The following ANKS1B variants were observed in gnomAD, a reference collection of about 807,000 sequenced individuals.
ANKS1B encodes ankyrin repeat and sterile alpha motif domain-containing protein 1B.
ANKS1B carries 36 observed loss-of-function variants against 148.3 expected under a neutral mutation model. The ratio of observed to expected loss-of-function variants is 0.24; its 90% CI spans 0.19 to 0.32. The LOEUF is 0.32. Ranked by LOEUF, ANKS1B falls within the 10% of genes least tolerant of loss-of-function variation. The pLI is 1.00. For missense variants in ANKS1B, 1,157 were observed against 1,542.6 expected (o/e 0.75, Z 4.19); for synonymous variants, 542 against 560.8 (o/e 0.97, Z 0.47).
chr12:98,874,481 T>C (rs2099682278), intron 17 of ANKS1B, among the ~76,000 whole-genome samples: 1 of 152,100 alleles, frequency 6.6e-6, no homozygotes, highest in African/African-American at 2.4e-5. Flanking sequence ...ACTGAGGAGA[T>C]AATAAATGAA....
intron 14 of ANKS1B, among the ~76,000 whole-genome samples, chr12:99,224,877 C>A (rs2085658562): frequency 6.6e-6 from 1 of 152,138 alleles, no homozygotes. Flanking sequence ...GTGAGTGGCT[C>A]TCCCAACATT....
intron 15 of ANKS1B, among the ~76,000 whole-genome samples, chr12:99,141,088 A>G (rs2070561147): frequency 6.6e-6 from 1 of 151,846 alleles, no homozygotes; most frequent in African/African-American, 2.4e-5. Context: ...TCTCATCTTT[A>G]TTCTTTCCAT....
intron 15 of ANKS1B, among the ~76,000 whole-genome samples, chr12:99,136,116 T>C (rs1288401274): frequency 1.3e-5 from 2 of 151,980 alleles, no homozygotes; most frequent in Non-Finnish European, 2.9e-5. Context: ...TTAAACAAGA[T>C]TAAAAAAGGT....
At chr12:99,668,028 C>G (rs1193758806) in intron 8 of ANKS1B, among the ~76,000 whole-genome samples, 1 of 152,106 alleles carries the variant, frequency 6.6e-6, no homozygotes, top group Non-Finnish European at 1.5e-5. Flanking sequence ...TTTGTTATCA[C>G]AGTAATGCTG....
intron 1 of ANKS1B, among the ~76,000 whole-genome samples, chr12:99,852,915 G>GGGGGAGCT (rs1011724191): frequency 1.3e-5 from 2 of 152,104 alleles, no homozygotes; most frequent in Non-Finnish European, 2.9e-5. Flanking sequence ...TGTGAGTTGC[G>GGGGGAGCT]GGGGAGCTGG....
At chr12:99,579,068 CA>C (rs1262867697) in intron 9 of ANKS1B, among the ~76,000 whole-genome samples, 1 of 151,908 alleles carries the variant, frequency 6.6e-6, no homozygotes, top group African/African-American at 2.4e-5. Context: ...AACTGATCTT[CA>C]AAAAAGTTGA....
intron 9 of ANKS1B, among the ~76,000 whole-genome samples, chr12:99,616,686 C>A (rs966327789): frequency 6.6e-6 from 1 of 152,102 alleles, no homozygotes; most frequent in Non-Finnish European, 1.5e-5. Context: ...ACCATAAAAA[C>A]CCTAGAAGAA....
intron 9 of ANKS1B, among the ~76,000 whole-genome samples, chr12:98,736,335 T>A (rs939168796): frequency 6.6e-6 from 1 of 152,040 alleles, no homozygotes; most frequent in Non-Finnish European, 1.5e-5. Flanking sequence ...AAGATAAGAG[T>A]TAATAGGATT....
rs945383999 is a variant in ANKS1B at position 99,134,779 on chromosome 12, G to A, written c.2526+19510C>T. On this transcript the variant is annotated intron_variant, in intron 15 of 26. Coordinates refer to ENST00000683438, the MANE Select transcript of ANKS1B (RefSeq NM_001352186.2). ...AAGACATTTTAAAAAGCCTTTCTGG[G>A]GAGAGCTGGAGCAACTAGTACAGTG... 2.6e-5 allele frequency among the ~76,000 whole-genome samples: 4 copies of A among 151,540 alleles called. No individual in the cohort carries two copies. The East Asian group carries it at 5.8e-4, about 22-fold the overall frequency.
chr12:98,986,693 C>T (rs971700039), intron 17 of ANKS1B, among the ~76,000 whole-genome samples: 2 of 152,160 alleles, frequency 1.3e-5, no homozygotes, highest in African/African-American at 4.8e-5. Flanking sequence ...TGGGTCACTG[C>T]AGCCTTGACC....
intron 8 of ANKS1B, among the ~76,000 whole-genome samples, chr12:99,735,807 C>CAAAAAAAAAAAAAAAAAAAAA (rs376398944): frequency 3.7e-5 from 4 of 108,926 alleles, no homozygotes; most frequent in Non-Finnish European, 7.6e-5. Flanking sequence ...GGACATATAC[C>CAAAAAAAAAAAAAAAAAAAAA]AAAAAAAAAA....
intron 14 of ANKS1B, among the ~76,000 whole-genome samples, chr12:99,216,459 T>A (rs2084210128): frequency 6.6e-6 from 1 of 152,250 alleles, no homozygotes; most frequent in East Asian, 1.9e-4. Flanking sequence ...TAGTTTTACT[T>A]TAGTTTTTAC....
chr12:98,951,407 G>T (rs188324765), intron 17 of ANKS1B, among the ~76,000 whole-genome samples: 1 of 152,106 alleles, frequency 6.6e-6, no homozygotes, highest in Non-Finnish European at 1.5e-5. Context: ...ATTCATCCAC[G>T]TCACCAATAT....
intron 6 of ANKS1B, among the ~76,000 whole-genome samples, chr12:99,777,569 TTTTG>T (rs201144451): frequency 0.011 from 1,690 of 152,218 alleles, 32 homozygotes; most frequent in African/African-American, 0.039. Flanking sequence ...AGTTTTGTTT[TTTTG>T]TTTGTTTGTT....
chr12:99,310,366 G>A (rs753692171), intron 12 of ANKS1B, among the ~76,000 whole-genome samples: 11 of 152,160 alleles, frequency 7.2e-5, no homozygotes, highest in Non-Finnish European at 1.6e-4. Context: ...ATGTTTATGT[G>A]AGGGTATTTC....
chr12:99,960,700 C>A (rs761270423), intron 1 of ANKS1B, among the ~76,000 whole-genome samples: 3 of 151,938 alleles, frequency 2.0e-5, no homozygotes, highest in Non-Finnish European at 4.4e-5. Flanking sequence ...TAAGGGTTTG[C>A]GAAAATTTTC....
At chr12:99,458,078 T>A (rs1380214943) in intron 10 of ANKS1B, among the ~76,000 whole-genome samples, 2 of 152,056 alleles carry the variant, frequency 1.3e-5, no homozygotes, top group African/African-American at 4.8e-5. Context: ...GCAAGTACTC[T>A]CTCAGAGCAC....
intron 4 of ANKS1B, among the ~76,000 whole-genome samples, chr12:99,785,859 G>A (rs1173708918): frequency 6.6e-6 from 1 of 152,158 alleles, no homozygotes; most frequent in African/African-American, 2.4e-5. Context: ...TGGAATGACT[G>A]AAATGCCCTT....
intron 24 of ANKS1B, among the ~76,000 whole-genome samples, chr12:98,773,699 G>T (rs891497107): frequency 4.6e-5 from 7 of 152,104 alleles, no homozygotes; most frequent in African/African-American, 1.4e-4. Context: ...CAGGTGATCT[G>T]CCCACCTCGG....
Sources: allele counts gnomAD v4.1 joint callset (sites outside exome capture counted in the v4.1 genomes callset), GRCh38; gene constraint gnomAD v4.1.1; transcripts MANE v1.5; gene names NCBI Gene and HGNC (gene_info 2026-07-23, HGNC 2026-07-21).